PTPRD: variants seen among roughly 807,000 people sequenced by gnomAD.
PTPRD encodes the protein protein tyrosine phosphatase receptor type D.
PTPRD carries 34 observed loss-of-function variants against 214.5 expected under a neutral mutation model. The observed-to-expected ratio is 0.16, with a 90% CI of 0.12 to 0.21. The LOEUF (loss-of-function observed/expected upper bound fraction) is 0.21, where lower values mean the gene tolerates loss of function less well. Ranked by LOEUF, PTPRD falls within the 10% of genes least tolerant of loss-of-function variation. The probability of loss-of-function intolerance (pLI) is 1.00; values close to 1 mark genes in which losing one functional copy is unlikely to be tolerated. For synonymous variants in PTPRD, 1,128 were observed against 845.7 expected (o/e 1.33, Z -5.79); for missense variants, 2,545 against 2,398.7 (o/e 1.06, Z -1.27).
chr9:9,462,550 G>C (rs1386659508), intron 8 of PTPRD, among the ~76,000 whole-genome samples: 1 of 152,142 alleles, frequency 6.6e-6, no homozygotes, highest in Non-Finnish European at 1.5e-5. Flanking sequence ...TTTAATAAGA[G>C]TAGAAACAAA....
chr9:9,651,826 G>GTTTTTTTTT (rs869105633), intron 7 of PTPRD, among the ~76,000 whole-genome samples: 3 of 55,082 alleles, frequency 5.4e-5, no homozygotes, highest in Non-Finnish European at 1.0e-4. Flanking sequence ...TTCAAGGTTT[G>GTTTTTTTTT]TTTTTTTTTT....
At chr9:8,424,521 A>G (rs796161621) in intron 35 of PTPRD, among the ~76,000 whole-genome samples, 4 of 152,312 alleles carry the variant, frequency 2.6e-5, no homozygotes, top group African/African-American at 9.6e-5. Context: ...GCACATGGTA[A>G]GTGCTATACA....
chr9:9,614,558 A>G (rs1330119902), intron 7 of PTPRD, among the ~76,000 whole-genome samples: 4 of 152,208 alleles, frequency 2.6e-5, no homozygotes, highest in Non-Finnish European at 5.9e-5. Flanking sequence ...AACTGACACC[A>G]GAAAGGTAAA....
intron 11 of PTPRD, among the ~76,000 whole-genome samples, chr9:8,758,830 C>A (rs1389950031): frequency 6.6e-6 from 1 of 150,910 alleles, no homozygotes; most frequent in Non-Finnish European, 1.5e-5. Flanking sequence ...CGATGACAGG[C>A]GTGTGCCACC....
chr9:8,525,726 G>C (rs1453437061), intron 17 of PTPRD, among the ~76,000 whole-genome samples: 1 of 152,102 alleles, frequency 6.6e-6, no homozygotes, highest in Non-Finnish European at 1.5e-5. Context: ...CCACAAGGAA[G>C]AGCCAACCAA....
intron 22 of PTPRD, among the ~76,000 whole-genome samples, chr9:8,506,398 T>G (rs1427416883): frequency 6.6e-6 from 1 of 152,184 alleles, no homozygotes; most frequent in East Asian, 1.9e-4. Context: ...TATTATGTAT[T>G]CTCATTCTGA....
intron 3 of PTPRD, among the ~76,000 whole-genome samples, chr9:10,226,901 T>C (rs2099590701): frequency 6.6e-6 from 1 of 151,990 alleles, no homozygotes; most frequent in South Asian, 2.1e-4. Context: ...ATACTCCTTA[T>C]TTTTCAACTA....
At chr9:9,345,219 C>T (rs923696766) in intron 9 of PTPRD, among the ~76,000 whole-genome samples, 2 of 152,104 alleles carry the variant, frequency 1.3e-5, no homozygotes, top group Admixed American at 6.6e-5. Context: ...TAATTACTTG[C>T]ACTTAGAGAT....
At chr9:9,385,729 T>C (rs535875795) in intron 9 of PTPRD, among the ~76,000 whole-genome samples, 1 of 152,302 alleles carries the variant, frequency 6.6e-6, no homozygotes, top group South Asian at 2.1e-4. Flanking sequence ...TTTCTATGTA[T>C]TTAATATACA....
At chr9:9,723,378 G>A (rs192236818) in intron 7 of PTPRD, among the ~76,000 whole-genome samples, 152 of 152,088 alleles carry the variant, frequency 1.0e-3, no homozygotes, top group Middle Eastern at 3.4e-3. Flanking sequence ...TGATTTATTC[G>A]TTAGGCCAAT....
intron 11 of PTPRD, among the ~76,000 whole-genome samples, chr9:8,760,634 G>C (rs2094354933): frequency 6.6e-6 from 1 of 151,640 alleles, no homozygotes; most frequent in Non-Finnish European, 1.5e-5. Flanking sequence ...GTGTGGCGGT[G>C]GGGGGATGTA....
intron 11 of PTPRD, among the ~76,000 whole-genome samples, chr9:8,744,586 GAGCTA>G (rs1439815264): frequency 6.6e-6 from 1 of 152,198 alleles, no homozygotes; most frequent in African/African-American, 2.4e-5. Context: ...TCATAAGGAG[GAGCTA>G]AGCTATGAGG....
intron 9 of PTPRD, among the ~76,000 whole-genome samples, chr9:9,280,280 C>A (rs1947204595): frequency 6.6e-6 from 1 of 151,066 alleles, no homozygotes; most frequent in Non-Finnish European, 1.5e-5. Context: ...ACCCAACAAG[C>A]TACATTCTGA....
chr9:8,809,658 CATCTT>C (rs1308699462), intron 11 of PTPRD, among the ~76,000 whole-genome samples: 1 of 152,164 alleles, frequency 6.6e-6, no homozygotes, highest in South Asian at 2.1e-4. Context: ...GTGTTAACTA[CATCTT>C]ATCTCCATTG....
At chr9:8,826,561 C>A (rs936926550) in intron 11 of PTPRD, among the ~76,000 whole-genome samples, 5 of 152,030 alleles carry the variant, frequency 3.3e-5, no homozygotes, top group Admixed American at 2.6e-4. Flanking sequence ...CCATATCCAA[C>A]TGATTCCTTC....
At chr9:9,067,824 T>C (rs1394527329) in intron 10 of PTPRD, among the ~76,000 whole-genome samples, 3 of 152,196 alleles carry the variant, frequency 2.0e-5, no homozygotes, top group Admixed American at 6.5e-5. Flanking sequence ...TAGTTGTATT[T>C]GTACTTGTGT....
At chr9:9,191,240 T>A (rs945947024) in intron 9 of PTPRD, among the ~76,000 whole-genome samples, 42 of 152,110 alleles carry the variant, frequency 2.8e-4, no homozygotes, top group Non-Finnish European at 5.9e-4. Flanking sequence ...AAAGGTTAAT[T>A]TCTTTCGCTT....
intron 2 of PTPRD, among the ~76,000 whole-genome samples, chr9:10,455,507 C>G (rs1004154866): frequency 3.3e-5 from 5 of 151,676 alleles, no homozygotes; most frequent in Non-Finnish European, 7.4e-5. Flanking sequence ...GATGCCCCAG[C>G]CACACCTCAA....
At chr9:9,459,583 A>G (rs1025353170) in intron 8 of PTPRD, among the ~76,000 whole-genome samples, 1 of 152,062 alleles carries the variant, frequency 6.6e-6, no homozygotes, top group African/African-American at 2.4e-5. Flanking sequence ...AACGAAACCA[A>G]TAACTCAATC....
Sources: allele counts gnomAD v4.1 joint callset (sites outside exome capture counted in the v4.1 genomes callset), GRCh38; gene constraint gnomAD v4.1.1; transcripts MANE v1.5; gene names NCBI Gene and HGNC (gene_info 2026-07-23, HGNC 2026-07-21).